The following CUTC variants were observed in gnomAD, a reference collection of about 807,000 sequenced individuals.
CUTC encodes copper homeostasis protein cutC homolog.
CUTC carries 27 observed loss-of-function variants against 36.2 expected under a neutral mutation model. That is an observed-to-expected ratio of 0.75 (90% CI 0.55 to 1.03). The LOEUF is 1.03. CUTC is among the 50% of genes least tolerant of loss of function. The pLI is 0.00. For missense variants in CUTC, 315 were observed against 343.5 expected (o/e 0.92, Z 0.66); for synonymous variants, 114 against 118.3 (o/e 0.96, Z 0.24).
rs377191395 is a variant in CUTC at position 99,733,887 on chromosome 10, C to G, written c.61+1478C>G. On this transcript the variant is annotated intron_variant, in intron 1 of 8. Transcript: ENST00000370476. ...TATACATCTCTCCATCTTCTCCTGC[C>G]TAGGGTCCTTTCTTGTGTGAGGCAA... is the stretch of plus-strand genomic sequence containing the variant. Among the ~76,000 whole-genome samples the G allele has an allele frequency of 3.4e-4, 51 of 152,090 alleles. 1 individual carries two copies. The highest frequency in any genetic ancestry group is 1.1e-3 in the African/African-American group (46 of 41,386).
intron 4 of CUTC, among the ~76,000 whole-genome samples, 153 bp from the exon 5 acceptor site, chr10:99,743,884 A>C (rs1235224480): frequency 6.6e-6 from 1 of 152,188 alleles, no homozygotes; most frequent in Non-Finnish European, 1.5e-5. Context: ...AAGACTTTTG[A>C]ATTTGTAAGG....
intron 8 of CUTC, among the ~76,000 whole-genome samples, chr10:99,754,929 A>C (rs1333979717): frequency 6.6e-6 from 1 of 152,206 alleles, no homozygotes; most frequent in Non-Finnish European, 1.5e-5. Context: ...AGATATGCAC[A>C]TGTGCCCATT....
Position 99,732,264 on chromosome 10 carries a change from T to G in CUTC, c.-85T>G. On this transcript the variant is annotated 5_prime_UTR_variant, in exon 1 of 9. Transcript: ENST00000370476. ...GGACGCGCGCACGGGCGCGCGCAGC[T>G]GTTGACGCGCTTCTTAGCTGGTGCG... The G allele has an allele frequency of 6.5e-7, 1 of 1,536,012 alleles. No homozygotes were observed. Among genetic ancestry groups the G allele is most frequent in the Non-Finnish European group, 8.8e-7 (1 of 1,139,926 alleles).
intron 1 of CUTC, among the ~76,000 whole-genome samples, chr10:99,733,824 G>A (rs1378996137): frequency 1.3e-5 from 2 of 152,098 alleles, no homozygotes; most frequent in African/African-American, 2.4e-5. Flanking sequence ...TGTTGCTTGG[G>A]ACAACTGCCT....
intron 4 of CUTC, 41 bp downstream of exon 4, chr10:99,743,403 A>G (rs763568621): frequency 6.5e-7 from 1 of 1,545,750 alleles, no homozygotes. Flanking sequence ...TCTAATGATA[A>G]TTGTATTTAT....
chr10:99,736,969 T>A (rs61870401), intron 2 of CUTC, among the ~76,000 whole-genome samples: 1 of 152,002 alleles, frequency 6.6e-6, no homozygotes, highest in Non-Finnish European at 1.5e-5. Flanking sequence ...TTTTTAAATC[T>A]TTTGAAAATG....
chr10:99,743,946 T>C (rs772947383), intron 4 of CUTC, 91 bp from the exon 5 acceptor site: 147 of 971,254 alleles, frequency 1.5e-4, no homozygotes, highest in Non-Finnish European at 2.1e-4. Context: ...GAAGAAAGTA[T>C]TAAAAAGTTT....
chr10:99,741,669 A>G (rs1467336255), intron 3 of CUTC, among the ~76,000 whole-genome samples: 2 of 151,950 alleles, frequency 1.3e-5, no homozygotes, highest in East Asian at 1.9e-4. Flanking sequence ...GGCTCAAGCA[A>G]TTGTCCTGCC....
intron 6 of CUTC, among the ~76,000 whole-genome samples, chr10:99,747,612 C>G (rs2037388371): frequency 6.6e-6 from 1 of 152,230 alleles, no homozygotes; most frequent in Admixed American, 6.5e-5. Flanking sequence ...GCCTAAAGAT[C>G]TGATCTAACT....
intron 6 of CUTC, among the ~76,000 whole-genome samples, chr10:99,748,178 C>G (rs1380916903): frequency 3.3e-5 from 5 of 152,086 alleles, no homozygotes; most frequent in African/African-American, 1.2e-4. Flanking sequence ...AGTCTTTAAG[C>G]CTCTCTTTCC....
intron 2 of CUTC, among the ~76,000 whole-genome samples, chr10:99,738,389 GGTGT>G (rs10693937): frequency 7.6e-4 from 108 of 142,960 alleles, no homozygotes; most frequent in Middle Eastern, 7.1e-3. Context: ...ACTCATACAG[GGTGT>G]GTGTGTGTGT....
chr10:99,751,572 T>G (rs546221906), intron 7 of CUTC, among the ~76,000 whole-genome samples: 1 of 152,062 alleles, frequency 6.6e-6, no homozygotes, highest in East Asian at 1.9e-4. Context: ...CATTATTAAG[T>G]TTGGGCTGGG....
intron 3 of CUTC, among the ~76,000 whole-genome samples, chr10:99,740,946 G>C (rs1474077416): frequency 1.3e-5 from 2 of 152,136 alleles, no homozygotes. Flanking sequence ...TTATGTCTCT[G>C]ATGTCTCTTA....
At chr10:99,747,680 C>A (rs1452093237) in intron 6 of CUTC, among the ~76,000 whole-genome samples, 1 of 151,994 alleles carries the variant, frequency 6.6e-6, no homozygotes, top group African/African-American at 2.4e-5. Flanking sequence ...GTTTTTTTTA[C>A]TTTTTATTTT....
chr10:99,751,896 T>C (rs1275843286), intron 7 of CUTC, among the ~76,000 whole-genome samples: 1 of 152,214 alleles, frequency 6.6e-6, no homozygotes, highest in East Asian at 1.9e-4. Flanking sequence ...CCCTGTAAAA[T>C]GTCCTACTTT....
chr10:99,739,475 TTTAAGAGAACTA>T (rs757384948), intron 2 of CUTC, among the ~76,000 whole-genome samples: 58 of 152,320 alleles, frequency 3.8e-4, no homozygotes, highest in Non-Finnish European at 6.3e-4. Context: ...AATACAAAAA[TTTAAGAGAACTA>T]GCTTAACTTT....
At chr10:99,735,086 AGC>A (rs2037283685) in intron 1 of CUTC, among the ~76,000 whole-genome samples, 1 of 141,200 alleles carries the variant, frequency 7.1e-6, no homozygotes. Context: ...TGGGCGACAG[AGC>A]AAGACTCTGT....
intron 7 of CUTC, among the ~76,000 whole-genome samples, chr10:99,750,870 C>A (rs1176803813): frequency 1.3e-5 from 2 of 152,074 alleles, no homozygotes; most frequent in African/African-American, 2.4e-5. Flanking sequence ...TTTCTTGTAA[C>A]CAGAATTTAA....
chr10:99,745,788 C>G (rs2037373885), intron 5 of CUTC, among the ~76,000 whole-genome samples: 2 of 152,188 alleles, frequency 1.3e-5, no homozygotes, highest in South Asian at 4.1e-4. Flanking sequence ...ATCAGGGAGT[C>G]AGAGGTTGCA....
Sources: gnomAD v4.1 joint callset for allele counts (sites outside exome capture counted in the v4.1 genomes callset) on GRCh38, gnomAD v4.1.1 for gene constraint, MANE v1.5 for transcripts, NCBI Gene and HGNC (gene_info 2026-07-23, HGNC 2026-07-21) for gene names.